MDGA2: variants seen among roughly 807,000 people sequenced by gnomAD.
MDGA2 encodes the protein MAM domain containing glycosylphosphatidylinositol anchor 2.
In MDGA2, 40 loss-of-function variants were observed where a neutral mutation model predicts 117.8. The observed-to-expected ratio is 0.34, with a 90% CI of 0.26 to 0.44. MDGA2 has a LOEUF of 0.44. MDGA2 is among the 20% of genes least tolerant of loss of function. The pLI, the probability that MDGA2 is intolerant of heterozygous loss-of-function variation, is 1.00. For missense variants in MDGA2, 1,123 were observed against 1,250.6 expected, an observed-to-expected ratio of 0.90 and a Z score of 1.54; for synonymous variants, 452 against 439.0, an observed-to-expected ratio of 1.03 and a Z score of -0.37.
At chr14:47,176,742 C>G (rs1047488756) in intron 3 of MDGA2, among the ~76,000 whole-genome samples, 5 of 152,158 alleles carry the variant, frequency 3.3e-5, no homozygotes, top group Non-Finnish European at 7.3e-5. Context: ...CAGGCATGGG[C>G]AAAGACTTCA....
intron 9 of MDGA2, among the ~76,000 whole-genome samples, chr14:46,928,016 C>G (rs1299943025): frequency 6.6e-6 from 1 of 151,954 alleles, no homozygotes; most frequent in African/African-American, 2.4e-5. Context: ...TTAAAGAAAG[C>G]CTTTAAATCT....
At chr14:47,180,152 T>C (rs1224472508) in intron 3 of MDGA2, among the ~76,000 whole-genome samples, 1 of 152,138 alleles carries the variant, frequency 6.6e-6, no homozygotes, top group Non-Finnish European at 1.5e-5. Flanking sequence ...CTAGTACCCA[T>C]TAGTTATTTT....
At chr14:47,550,282 G>A (rs1213164654) in intron 1 of MDGA2, among the ~76,000 whole-genome samples, 1 of 152,142 alleles carries the variant, frequency 6.6e-6, no homozygotes, top group Non-Finnish European at 1.5e-5. Context: ...AGATATTTAA[G>A]GCTAAATAGC....
At chr14:47,092,361 C>A (rs1005620840) in intron 6 of MDGA2, among the ~76,000 whole-genome samples, 3 of 152,030 alleles carry the variant, frequency 2.0e-5, no homozygotes, top group African/African-American at 4.8e-5. Flanking sequence ...ATAGAACACA[C>A]AGAATTCCAT....
intron 1 of MDGA2, among the ~76,000 whole-genome samples, chr14:47,574,190 T>C (rs1191146169): frequency 1.3e-5 from 2 of 152,174 alleles, no homozygotes; most frequent in Non-Finnish European, 2.9e-5. Flanking sequence ...TATTAGGCGA[T>C]TCAAACACTA....
At chr14:47,130,808 C>A (rs1310982713) in intron 5 of MDGA2, among the ~76,000 whole-genome samples, 1 of 151,850 alleles carries the variant, frequency 6.6e-6, no homozygotes. Context: ...TAGACCCAGA[C>A]ACAAAAAAAG....
At chr14:47,603,039 G>A (rs1189161914) in intron 1 of MDGA2, among the ~76,000 whole-genome samples, 1 of 152,098 alleles carries the variant, frequency 6.6e-6, no homozygotes, top group Non-Finnish European at 1.5e-5. Context: ...AGCCTTGGGA[G>A]CCTGCTTCTT....
At chr14:47,494,824 T>A (rs1191535208) in intron 1 of MDGA2, among the ~76,000 whole-genome samples, 1 of 151,144 alleles carries the variant, frequency 6.6e-6, no homozygotes. Flanking sequence ...AAAGATCAGT[T>A]GGCTGTAGGT....
chr14:47,008,621 C>T (rs575495137), intron 8 of MDGA2, among the ~76,000 whole-genome samples: 1 of 151,814 alleles, frequency 6.6e-6, no homozygotes, highest in African/African-American at 2.4e-5. Flanking sequence ...AATTTTGGCC[C>T]CAGTTCTGTC....
chr14:47,293,326 G>A (rs1223351330), intron 2 of MDGA2, among the ~76,000 whole-genome samples: 1 of 152,164 alleles, frequency 6.6e-6, no homozygotes, highest in Non-Finnish European at 1.5e-5. Flanking sequence ...GGCATATTAG[G>A]ACTAGCTCCA....
Position 47,340,958 on chromosome 14 carries a change from A to T in MDGA2, c.281-39408T>A, listed in dbSNP as rs73251878. The stretch of plus-strand genomic sequence containing the variant: ...GATTTTAGACCCAACACTTAAGAGA[A>T]TATTGATTCAGGTTGGTTGCTTGTA... On this transcript the variant is annotated intron_variant, in intron 1 of 16. Transcript: ENST00000399232. Among the ~76,000 whole-genome samples, 40 of 152,294 alleles carry T rather than the reference A, an allele frequency of 2.6e-4. No homozygotes were observed. In the East Asian group the frequency reaches 7.5e-3, roughly 29 times the overall value.
intron 2 of MDGA2, among the ~76,000 whole-genome samples, chr14:47,240,083 T>C (rs1886989834): frequency 6.6e-6 from 1 of 151,756 alleles, no homozygotes; most frequent in African/African-American, 2.4e-5. Flanking sequence ...CTTGCTCTGT[T>C]GCCCAGGCTG....
chr14:47,498,328 A>C (rs78316165), intron 1 of MDGA2, among the ~76,000 whole-genome samples: 4,775 of 152,282 alleles, frequency 0.031, 157 homozygotes, highest in East Asian at 0.1. Context: ...TATCAACTCT[A>C]ATTATATGCA....
At chr14:47,064,042 A>G (rs1400948753) in intron 6 of MDGA2, among the ~76,000 whole-genome samples, 1 of 152,042 alleles carries the variant, frequency 6.6e-6, no homozygotes, top group African/African-American at 2.4e-5. Flanking sequence ...TATCTGTATT[A>G]TGTTATAGAA....
chr14:47,074,529 T>A (rs1890419896), intron 6 of MDGA2, among the ~76,000 whole-genome samples: 1 of 152,220 alleles, frequency 6.6e-6, no homozygotes, highest in Admixed American at 6.5e-5. Flanking sequence ...CTCGATCTCC[T>A]GACCTCGTGA....
intron 9 of MDGA2, among the ~76,000 whole-genome samples, chr14:46,945,168 G>A (rs978047946): frequency 7.2e-5 from 11 of 152,038 alleles, no homozygotes; most frequent in Non-Finnish European, 7.4e-5. Flanking sequence ...TGCCATTTAC[G>A]TTTAATGTAA....
At chr14:46,910,990 T>C (rs1883677922) in intron 10 of MDGA2, among the ~76,000 whole-genome samples, 3 of 152,008 alleles carry the variant, frequency 2.0e-5, no homozygotes, top group South Asian at 4.2e-4. Context: ...CTGGGGCCTA[T>C]TGAAGGGGTG....
At chr14:47,526,478 G>A (rs1181207357) in intron 1 of MDGA2, among the ~76,000 whole-genome samples, 1 of 152,090 alleles carries the variant, frequency 6.6e-6, no homozygotes, top group Non-Finnish European at 1.5e-5. Context: ...AAAACTGTAA[G>A]CTAGTGGTAT....
At chr14:47,513,960 T>C (rs1012192450) in intron 1 of MDGA2, among the ~76,000 whole-genome samples, 1 of 152,054 alleles carries the variant, frequency 6.6e-6, no homozygotes, top group African/African-American at 2.4e-5. Flanking sequence ...GCTCAACAAA[T>C]CTTGTTGATT....
Sources: gnomAD v4.1 joint callset for allele counts (sites outside exome capture counted in the v4.1 genomes callset) on GRCh38, gnomAD v4.1.1 for gene constraint, MANE v1.5 for transcripts, NCBI Gene and HGNC (gene_info 2026-07-23, HGNC 2026-07-21) for gene names.